The following TAFA2 variants were observed in gnomAD, a reference collection of about 807,000 sequenced individuals.
TAFA2 encodes TAFA chemokine like family member 2.
Under a neutral mutation model 18.8 loss-of-function variants are expected in TAFA2, and 7 were observed. The observed-to-expected ratio is 0.37, with a 90% confidence interval of 0.21 to 0.70. The LOEUF is 0.70. Among genes scored for constraint, TAFA2 ranks in the 30% least tolerant of loss-of-function variants. The probability of loss-of-function intolerance (pLI) is 0.53; values close to 1 mark genes in which losing one functional copy is unlikely to be tolerated. For missense variants in TAFA2, 122 were observed against 158.1 expected, an observed-to-expected ratio of 0.77 and a Z score of 1.23; for synonymous variants, 60 against 54.2, an observed-to-expected ratio of 1.11 and a Z score of -0.47.
intron 4 of TAFA2, among the ~76,000 whole-genome samples, chr12:61,715,146 C>G (rs1383461978): frequency 6.6e-6 from 1 of 152,002 alleles, no homozygotes; most frequent in Non-Finnish European, 1.5e-5. Context: ...CATAGGATAC[C>G]TATTGGAGGG....
chr12:62,198,186 A>G (rs2062656637), intron 1 of TAFA2: 1 of 150,564 alleles, frequency 6.6e-6, no homozygotes, highest in African/African-American at 2.5e-5. Flanking sequence ...CACTTATCAC[A>G]TGAAAAAAAA....
chr12:61,838,474 G>A (rs1873029035), intron 2 of TAFA2, among the ~76,000 whole-genome samples: 1 of 152,022 alleles, frequency 6.6e-6, no homozygotes, highest in South Asian at 2.1e-4. Context: ...AAGGCTAAAA[G>A]CAGACAGAAG....
intron 1 of TAFA2, among the ~76,000 whole-genome samples, chr12:62,169,493 T>C (rs555378810): frequency 6.6e-6 from 1 of 152,232 alleles, no homozygotes; most frequent in East Asian, 1.9e-4. Flanking sequence ...TGTTTATTGG[T>C]TATAATAATT....
At chr12:62,110,747 A>G (rs555462832) in intron 1 of TAFA2, among the ~76,000 whole-genome samples, 8 of 149,084 alleles carry the variant, frequency 5.4e-5, no homozygotes, top group Non-Finnish European at 1.0e-4. Flanking sequence ...GTGTTTGTTC[A>G]TTTCTTCTAG....
chr12:61,814,896 A>G (rs1000420738), intron 2 of TAFA2, among the ~76,000 whole-genome samples: 2 of 151,506 alleles, frequency 1.3e-5, no homozygotes, highest in African/African-American at 4.9e-5. Context: ...TAAAAGCTAA[A>G]AAGGACAAAT....
At chr12:61,755,299 C>T (rs1010730833) in intron 2 of TAFA2, among the ~76,000 whole-genome samples, 2 of 151,976 alleles carry the variant, frequency 1.3e-5, no homozygotes, top group South Asian at 2.1e-4. Flanking sequence ...CAGTATGTGC[C>T]GTCATCAAAA....
At chr12:62,038,389 G>A (rs925352348) in intron 1 of TAFA2, among the ~76,000 whole-genome samples, 4 of 151,866 alleles carry the variant, frequency 2.6e-5, no homozygotes, top group Admixed American at 1.3e-4. Flanking sequence ...CCACAAACTC[G>A]ACCAACTGCA....
rs188834257 is a variant in TAFA2, at chr12:61,961,776, G to C, written c.-1-94350C>G. ...GTTCTTGTGTTTGTTTGTTTGTCCG[G>C]AGGGTAACATCCTTTCCACATTTCT... is the stretch of plus-strand genomic sequence containing the variant. On this transcript the variant is annotated intron_variant, in intron 1 of 4. Transcript: ENST00000416284. Among the ~76,000 whole-genome samples, 189 of 152,080 alleles carry C rather than the reference G, an allele frequency of 1.2e-3. 3 individuals are homozygous for C. Among genetic ancestry groups the C allele is most frequent in the Non-Finnish European group, 1.7e-3 (118 of 67,944 alleles).
intron 1 of TAFA2, among the ~76,000 whole-genome samples, chr12:61,925,375 TAACA>T (rs1374613671): frequency 6.6e-6 from 1 of 152,288 alleles, no homozygotes; most frequent in African/African-American, 2.4e-5. Flanking sequence ...ATGGAAATCA[TAACA>T]AACAGTCTCC....
chr12:62,220,336 A>G (rs1278227911), intron 1 of TAFA2, among the ~76,000 whole-genome samples: 1 of 152,228 alleles, frequency 6.6e-6, no homozygotes, highest in African/African-American at 2.4e-5. Flanking sequence ...AAAATATCTA[A>G]AACAATAATG....
At chr12:61,716,181 A>T (rs140453443) in intron 4 of TAFA2, among the ~76,000 whole-genome samples, 2,864 of 152,300 alleles carry the variant, frequency 0.019, 101 homozygotes, top group African/African-American at 0.065. Context: ...ATTTTTGGCC[A>T]TCCAATGTAT....
chr12:61,910,106 G>T (rs904522746), intron 1 of TAFA2, among the ~76,000 whole-genome samples: 7 of 10,806 alleles, frequency 6.5e-4, no homozygotes, highest in Middle Eastern at 0.017. Flanking sequence ...GTGTTTGTGT[G>T]TGTGTGTGTG....
At chr12:61,827,860 A>G (rs1476702939) in intron 2 of TAFA2, among the ~76,000 whole-genome samples, 1 of 151,994 alleles carries the variant, frequency 6.6e-6, no homozygotes, top group Non-Finnish European at 1.5e-5. Flanking sequence ...TAGTGCATAA[A>G]TCCTCCATGT....
intron 1 of TAFA2, among the ~76,000 whole-genome samples, chr12:61,967,508 C>A (rs1395625674): frequency 2.6e-5 from 4 of 151,786 alleles, no homozygotes; most frequent in Non-Finnish European, 1.5e-5. Flanking sequence ...ATCCATTTGT[C>A]CATTTGAATA....
intron 1 of TAFA2, among the ~76,000 whole-genome samples, chr12:62,014,465 C>CA (rs59062264): frequency 1.7e-4 from 26 of 150,392 alleles, no homozygotes; most frequent in African/African-American, 4.4e-4. Context: ...CCCATCTCTA[C>CA]AAAAAAAAAT....
intron 1 of TAFA2, among the ~76,000 whole-genome samples, chr12:61,871,568 G>A (rs17605182): frequency 0.091 from 13,889 of 152,196 alleles, 893 homozygotes; most frequent in East Asian, 0.19. Context: ...CCTTGAAATC[G>A]CTCCCAGGCA....
At chr12:62,020,144 T>A (rs931688752) in intron 1 of TAFA2, among the ~76,000 whole-genome samples, 5 of 152,204 alleles carry the variant, frequency 3.3e-5, no homozygotes, top group African/African-American at 1.2e-4. Flanking sequence ...AAGTTGATAC[T>A]AAATGACTAC....
chr12:61,971,015 T>C (rs1879229085), intron 1 of TAFA2, among the ~76,000 whole-genome samples: 1 of 151,626 alleles, frequency 6.6e-6, no homozygotes, highest in African/African-American at 2.4e-5. Context: ...GAGAAAAAAG[T>C]TATAAGATAT....
chr12:61,797,710 G>T (rs1871243815), intron 2 of TAFA2, among the ~76,000 whole-genome samples: 1 of 152,184 alleles, frequency 6.6e-6, no homozygotes, highest in South Asian at 2.1e-4. Flanking sequence ...CTGAATTGTT[G>T]ATCTCATCTT....
Sources: gnomAD v4.1 joint callset for allele counts (sites outside exome capture counted in the v4.1 genomes callset) on GRCh38, gnomAD v4.1.1 for gene constraint, MANE v1.5 for transcripts, NCBI Gene and HGNC (gene_info 2026-07-23, HGNC 2026-07-21) for gene names.